The following VPS13B variants were observed in gnomAD, a reference collection of about 807,000 sequenced individuals.
The protein encoded by VPS13B is vacuolar protein sorting 13 homolog B.
In VPS13B, 285 loss-of-function variants were observed where a neutral mutation model predicts 426.4. The ratio of observed to expected loss-of-function variants is 0.67; its 90% CI spans 0.61 to 0.74. The LOEUF (loss-of-function observed/expected upper bound fraction) is 0.74. Ranked by LOEUF, VPS13B falls within the 30% of genes least tolerant of loss-of-function variation. The probability of loss-of-function intolerance (pLI) is 0.00; values close to 1 mark genes in which losing one functional copy is unlikely to be tolerated. For synonymous variants in VPS13B, 1,676 were observed against 1,676.4 expected (o/e 1.00, Z 0.01); for missense variants, 4,537 against 4,782.6 (o/e 0.95, Z 1.51).
At chr8:99,734,838 C>T (rs1292389371) in intron 39 of VPS13B, among the ~76,000 whole-genome samples, 1 of 152,044 alleles carries the variant, frequency 6.6e-6, no homozygotes, top group Non-Finnish European at 1.5e-5. Context: ...GATTTCAATG[C>T]CCGGATGTGT....
intron 40 of VPS13B, among the ~76,000 whole-genome samples, chr8:99,767,834 G>C (rs1018852167): frequency 6.6e-6 from 1 of 152,050 alleles, no homozygotes; most frequent in African/African-American, 2.4e-5. Flanking sequence ...AAGCTGTTGG[G>C]GAGAGGATCC....
chr8:99,127,147 A>G (rs2132534085), intron 8 of VPS13B, among the ~76,000 whole-genome samples: 1 of 152,004 alleles, frequency 6.6e-6, no homozygotes, highest in South Asian at 2.1e-4. Flanking sequence ...CTGGGTTACC[A>G]GGGACTTTTT....
At chr8:99,629,514 G>A (rs1021002277) in intron 33 of VPS13B, among the ~76,000 whole-genome samples, 1 of 152,154 alleles carries the variant, frequency 6.6e-6, no homozygotes, top group Admixed American at 6.5e-5. Context: ...GCATTGTAGG[G>A]AAGAGAGCAG....
intron 6 of VPS13B, among the ~76,000 whole-genome samples, chr8:99,114,736 C>CCTTCA (rs1847564195): frequency 6.6e-6 from 1 of 152,096 alleles, no homozygotes; most frequent in Non-Finnish European, 1.5e-5. Flanking sequence ...GTTTTCTCCC[C>CCTTCA]CTTCACATAC....
intron 59 of VPS13B, 101 bp from the exon 60 acceptor site, chr8:99,870,684 T>C (rs1588810433): frequency 9.5e-7 from 1 of 1,051,300 alleles, no homozygotes; most frequent in Non-Finnish European, 1.5e-6. Flanking sequence ...ATTTTGGATC[T>C]GTAACATTTT....
At chr8:99,447,255 T>C (rs532682094) in intron 23 of VPS13B, among the ~76,000 whole-genome samples, 1 of 152,332 alleles carries the variant, frequency 6.6e-6, no homozygotes, top group Non-Finnish European at 1.5e-5. Flanking sequence ...AAATTCTTGA[T>C]AAAAGGTTTT....
rs1422530520 is a variant in VPS13B, at chr8:99,115,808, A to C, written c.871A>C (p.Asn291His). 1.9e-6 allele frequency: 3 copies of C among 1,613,764 alleles called. No individual in the cohort carries two copies. In the South Asian group the frequency reaches 3.3e-5, roughly 18 times the overall value. The change falls in exon 7 of 62, where the codon AAT becomes CAT. Residue 291 changes from asparagine to histidine, a missense_variant. Transcript: ENST00000357162. ...GIALYYGEIG[N>H]FKEGEIEDLT... ...TGCTCTTTACTATGGAGAAATAGGC[A>C]ATTTTAAAGAAGGCGAAATAGAGGA...
intron 17 of VPS13B, among the ~76,000 whole-genome samples, chr8:99,243,195 T>C (rs753289233): frequency 6.6e-6 from 1 of 152,160 alleles, no homozygotes; most frequent in Non-Finnish European, 1.5e-5. Context: ...TGACAAAAAG[T>C]GCATGAAGAA....
At chr8:99,577,899 G>A (rs1825851662) in intron 33 of VPS13B, 1 of 436,288 alleles carries the variant, frequency 2.3e-6, no homozygotes, top group South Asian at 2.2e-5. Flanking sequence ...AACTTTATTA[G>A]CCTGCTGAAG....
chr8:99,209,640 C>A, intron 17 of VPS13B: 1 of 565,978 alleles, frequency 1.8e-6, no homozygotes, highest in South Asian at 3.9e-5. Flanking sequence ...CTCCTGGCCT[C>A]AAATGATCCT....
chr8:99,505,092 C>G (rs998845298), intron 27 of VPS13B, among the ~76,000 whole-genome samples: 1 of 152,220 alleles, frequency 6.6e-6, no homozygotes, highest in Non-Finnish European at 1.5e-5. Flanking sequence ...AGCTTTCTTA[C>G]TTCTCTCAAT....
At chr8:99,092,708 A>G (rs1016671474) in intron 3 of VPS13B, among the ~76,000 whole-genome samples, 2 of 152,102 alleles carry the variant, frequency 1.3e-5, no homozygotes, top group African/African-American at 4.8e-5. Flanking sequence ...TAATTATAGT[A>G]TATACATTGT....
rs74770741 is a variant in VPS13B, at chr8:99,026,170, T to A, written c.147+12235T>A. 2.7e-3 allele frequency among the ~76,000 whole-genome samples: 416 copies of A among 152,356 alleles called. 6 individuals are homozygous for A. Among genetic ancestry groups the A allele is most frequent in the South Asian group, 0.019 (92 of 4,834 alleles). ...AACTGTTTGTACTGTTTTTGCTATA[T>A]TCCGTAGGATTTGCTATGTTGTATT... is the stretch of plus-strand genomic sequence containing the variant. On this transcript the variant is annotated intron_variant, in intron 2 of 61. Coordinates refer to ENST00000357162, the MANE Select transcript of VPS13B (RefSeq NM_152564.5).
In VPS13B at chr8:99,875,770, C is replaced by A; in HGVS notation, c.*104C>A. 1.4e-6 allele frequency: 2 copies of A among 1,464,902 alleles called. No individual in the cohort carries two copies. The highest frequency in any genetic ancestry group is 9.4e-7 in the Non-Finnish European group (1 of 1,061,502). 90.7% of individuals were successfully genotyped at this position (1,464,902 alleles called of 1,614,324 possible). ...CTTGCTGACCTCAAATTCTGGGGTT[C>A]AAGCAATCCTCCCACCTCAACCCAC... On this transcript the variant is annotated 3_prime_UTR_variant, in exon 62 of 62. Transcript: ENST00000357162.
At chr8:99,780,677 C>G (rs144600999) in intron 42 of VPS13B, among the ~76,000 whole-genome samples, 80 of 152,178 alleles carry the variant, frequency 5.3e-4, no homozygotes, top group African/African-American at 1.9e-3. Context: ...TTAACATGAG[C>G]CACAAGAGGA....
At chr8:99,113,601 G>T (rs2132490108) in intron 6 of VPS13B, among the ~76,000 whole-genome samples, 1 of 152,176 alleles carries the variant, frequency 6.6e-6, no homozygotes, top group East Asian at 1.9e-4. Context: ...TCTTGCTCTT[G>T]TTGACCAGGC....
At chr8:99,766,683 A>C (rs1246218824) in intron 39 of VPS13B, 91 bp from the exon 40 acceptor site, 1 of 1,155,496 alleles carries the variant, frequency 8.7e-7, no homozygotes, top group Admixed American at 2.4e-5. Context: ...TCTTAATGTT[A>C]TAATTTTTAT....
intron 58 of VPS13B, 126 bp from the exon 59 acceptor site, chr8:99,868,163 G>A: frequency 8.5e-7 from 1 of 1,180,858 alleles, no homozygotes; most frequent in Non-Finnish European, 1.2e-6. Context: ...CAAATGGGTA[G>A]TAAAGACCTT....
intron 33 of VPS13B, among the ~76,000 whole-genome samples, chr8:99,631,485 CT>C (rs896111086): frequency 5.9e-5 from 9 of 152,052 alleles, no homozygotes; most frequent in Non-Finnish European, 8.8e-5. Context: ...GGGAATATCA[CT>C]GTGGTCATTT....
Sources: allele counts gnomAD v4.1 joint callset (sites outside exome capture counted in the v4.1 genomes callset), GRCh38; gene constraint gnomAD v4.1.1; transcripts MANE v1.5; gene names NCBI Gene and HGNC (gene_info 2026-07-23, HGNC 2026-07-21).